Variants in PRKDC observed in about 807,000 individuals in gnomAD.
PRKDC encodes protein kinase, DNA-activated, catalytic subunit.
Under a neutral mutation model 486.9 loss-of-function variants are expected in PRKDC, and 82 were observed. That is an observed-to-expected ratio of 0.17 (90% CI 0.14 to 0.20). The LOEUF is 0.20. Ranked by LOEUF, PRKDC falls within the 10% of genes least tolerant of loss-of-function variation. PRKDC has a pLI of 1.00. For missense variants in PRKDC, 4,504 were observed against 5,038.2 expected, an observed-to-expected ratio of 0.89 and a Z score of 3.21; for synonymous variants, 1,895 against 1,837.0, an observed-to-expected ratio of 1.03 and a Z score of -0.81.
At chr8:47,884,689 A>G (rs1034048346) in intron 36 of PRKDC, among the ~76,000 whole-genome samples, 1 of 152,210 alleles carries the variant, frequency 6.6e-6, no homozygotes, top group African/African-American at 2.4e-5. Context: ...AGATTCCCCT[A>G]CAACAGAAAA....
In PRKDC at chr8:47,778,816, GA is replaced by G; in HGVS notation, c.11580-18del. ...TTAGCGCCCCTATGATTTAATAATAGAAACATCTAATTAGAAAAAATTTCTC... is the reference window on the plus strand; with the variant it reads ...TTAGCGCCCCTATGATTTAATAATAGAACATCTAATTAGAAAAAATTTCTC... On this transcript the variant is annotated intron_variant, in intron 81 of 85. Transcript: ENST00000314191. 1 of 1,604,152 alleles carries G rather than the reference GA, an allele frequency of 6.2e-7. No individual in the cohort carries two copies. Among genetic ancestry groups the G allele is most frequent in the East Asian group, 2.2e-5 (1 of 44,682 alleles).
chr8:47,791,076 A>C (rs1223100726), intron 74 of PRKDC, among the ~76,000 whole-genome samples: 1 of 152,234 alleles, frequency 6.6e-6, no homozygotes, highest in African/African-American at 2.4e-5. Flanking sequence ...CAGGAGGATC[A>C]CATCAAGTCA....
At chr8:47,933,639 C>T (rs1336916464) in intron 15 of PRKDC, among the ~76,000 whole-genome samples, 1 of 152,138 alleles carries the variant, frequency 6.6e-6, no homozygotes, top group Non-Finnish European at 1.5e-5. Context: ...CGTACAAATA[C>T]ATATATATCC....
Position 47,881,400 on chromosome 8 carries a change from A to G in PRKDC, c.5067+16T>C. 3.7e-6 allele frequency: 5 copies of G among 1,363,214 alleles called. No individual in the cohort carries two copies. The highest frequency in any genetic ancestry group is 1.3e-5 in the South Asian group (1 of 78,138). The allele number at this position is 1,363,214 out of a possible 1,614,324, so 84.4% of individuals were successfully genotyped here. ...AAGAGAATGTAATCCAAAAAAATAA[A>G]TATTTCACTGTTTACCTTTAAATGT... On this transcript the variant is annotated intron_variant, in intron 38 of 85. Coordinates refer to ENST00000314191, the MANE Select transcript of PRKDC (RefSeq NM_006904.7).
intron 50 of PRKDC, among the ~76,000 whole-genome samples, 151 bp from the exon 51 acceptor site, chr8:47,854,365 T>C (rs2088484490): frequency 6.6e-6 from 1 of 151,852 alleles, no homozygotes; most frequent in Non-Finnish European, 1.5e-5. Context: ...AGTCTTGGAG[T>C]CTCGCTTTGT....
chr8:47,947,413 T>C (rs1056432044), intron 7 of PRKDC, among the ~76,000 whole-genome samples: 5 of 152,246 alleles, frequency 3.3e-5, no homozygotes. Context: ...GAGCTCATGA[T>C]GGTAGGAACT....
In PRKDC at chr8:47,859,267, C is replaced by A. The variant is rs560697899; in HGVS notation, c.6208-281G>T. 8.5e-5 allele frequency among the ~76,000 whole-genome samples: 13 copies of A among 152,260 alleles called. 1 individual carries two copies. In the South Asian group the frequency reaches 2.7e-3, roughly 32 times the overall value. ...TGTCTCTGTTACACTGACCCCTGAC[C>A]CCCATCTATGGTCACTCCTCAGGGT... On this transcript the variant is annotated intron_variant, in intron 46 of 85. Transcript: ENST00000314191.
intron 1 of PRKDC, among the ~76,000 whole-genome samples, chr8:47,958,450 T>G (rs2090748141): frequency 6.6e-6 from 1 of 152,198 alleles, no homozygotes; most frequent in African/African-American, 2.4e-5. Context: ...GTAACAGACC[T>G]GTGCTGTTTT....
At chr8:47,917,082 C>T (rs1047515545) in intron 22 of PRKDC, among the ~76,000 whole-genome samples, 1 of 152,056 alleles carries the variant, frequency 6.6e-6, no homozygotes, top group Non-Finnish European at 1.5e-5. Context: ...AATGCAAAAC[C>T]CATCTCTACG....
intron 68 of PRKDC, among the ~76,000 whole-genome samples, chr8:47,810,029 G>A (rs908935325): frequency 6.6e-6 from 1 of 152,156 alleles, no homozygotes; most frequent in African/African-American, 2.4e-5. Context: ...CTCTAGTTCT[G>A]CACATGAACC....
At chr8:47,796,903 T>TA (rs1305671685) in intron 73 of PRKDC, among the ~76,000 whole-genome samples, 2 of 152,234 alleles carry the variant, frequency 1.3e-5, no homozygotes, top group African/African-American at 4.8e-5. Context: ...TTTATTTTTT[T>TA]AACTTTGTAT....
intron 7 of PRKDC, among the ~76,000 whole-genome samples, chr8:47,947,622 G>A (rs118152765): frequency 0.034 from 5,240 of 152,238 alleles, 123 homozygotes; most frequent in Middle Eastern, 0.068. Context: ...ACAAAAATTA[G>A]TTGGGGCCGG....
rs1386230829 is a variant in PRKDC, at chr8:47,890,405, G to A, written c.3923C>T (p.Ala1308Val). ...LESIAMHDII[A>V]AEKCFGTGAA... ...CCCAGTGCCAAAGCACTTTTCTGCT[G>A]CTATAATGTCATGCATGGCAATGCT... Residue 1308 changes from alanine to valine, a missense_variant, in exon 32 of 86, where the codon GCA becomes GTA. Around this residue, in one of 6 missense-constraint regions of PRKDC, gnomAD observed 1,969 missense variants for 2,068.9 expected, o/e 0.95. Coordinates refer to ENST00000314191, the MANE Select transcript of PRKDC (RefSeq NM_006904.7). 7.5e-6 allele frequency: 12 copies of A among 1,605,258 alleles called. No individual in the cohort carries two copies. Among genetic ancestry groups the A allele is most frequent in the Non-Finnish European group, 1.0e-5 (12 of 1,175,494 alleles).
chr8:47,842,259 C>T (rs2088165339), intron 54 of PRKDC, among the ~76,000 whole-genome samples: 1 of 152,128 alleles, frequency 6.6e-6, no homozygotes, highest in Admixed American at 6.5e-5. Flanking sequence ...GGGGTCATCT[C>T]CCTTCCCCTA....
intron 4 of PRKDC, 46 bp from the exon 5 acceptor site, chr8:47,954,492 A>G (rs764612444): frequency 2.9e-5 from 21 of 732,762 alleles, no homozygotes; most frequent in Non-Finnish European, 4.1e-5. Flanking sequence ...GGGAATCAAG[A>G]AAAAAAACAC....
chr8:47,866,532 A>G (rs951772996), intron 40 of PRKDC, among the ~76,000 whole-genome samples: 3 of 152,208 alleles, frequency 2.0e-5, no homozygotes, highest in African/African-American at 7.2e-5. Context: ...GCAAAGACCT[A>G]ATGTTAAAAA....
intron 5 of PRKDC, 114 bp from the exon 6 acceptor site, chr8:47,954,033 T>A (rs1015282966): frequency 1.5e-5 from 9 of 610,188 alleles, no homozygotes; most frequent in African/African-American, 7.4e-5. Context: ...GATTTTACAG[T>A]AAGAGATATA....
chr8:47,868,264 T>A (rs552509800), intron 40 of PRKDC, among the ~76,000 whole-genome samples: 2 of 152,090 alleles, frequency 1.3e-5, no homozygotes. Context: ...AATTTCTTTT[T>A]AAATATTTTA....
chr8:47,948,480 A>G (rs1269746834), intron 7 of PRKDC, among the ~76,000 whole-genome samples: 85 of 128,216 alleles, frequency 6.6e-4, no homozygotes, highest in Non-Finnish European at 1.1e-3. Flanking sequence ...TTTTTTTGAG[A>G]CAGAGTTTTG....
Sources: allele counts gnomAD v4.1 joint callset (sites outside exome capture counted in the v4.1 genomes callset), GRCh38; gene constraint gnomAD v4.1.1; regional missense constraint gnomAD v4.1.1; transcripts MANE v1.5; gene names NCBI Gene and HGNC (gene_info 2026-07-23, HGNC 2026-07-21).